ARMC2: variants seen among roughly 807,000 people sequenced by gnomAD.
ARMC2 encodes the protein armadillo repeat-containing protein 2.
A neutral mutation model predicts 90.3 loss-of-function variants in ARMC2; 67 were observed. The observed-to-expected ratio is 0.74, with a 90% CI of 0.61 to 0.91. The LOEUF is 0.91. ARMC2 is among the 40% of genes least tolerant of loss of function. The pLI is 0.00. For missense variants in ARMC2, 920 were observed against 1,030.9 expected, an observed-to-expected ratio of 0.89 and a Z score of 1.47; for synonymous variants, 393 against 393.0, an observed-to-expected ratio of 1.00 and a Z score of 0.00.
At chr6:108,943,660 A>T (rs1776609151) in intron 12 of ARMC2, among the ~76,000 whole-genome samples, 2 of 151,978 alleles carry the variant, frequency 1.3e-5, no homozygotes, top group Admixed American at 1.3e-4. Context: ...CTCTACAACA[A>T]CAATTAAAAA....
the ARMC2 span, among the ~76,000 whole-genome samples, chr6:109,051,348 T>C: frequency 5.1e-4 from 77 of 152,294 alleles, no homozygotes; most frequent in African/African-American, 1.9e-3. Context: ...ATGGTGCTAC[T>C]TCAGTGAAAA....
intron 10 of ARMC2, among the ~76,000 whole-genome samples, chr6:108,916,924 T>C (rs1774027583): frequency 6.6e-6 from 1 of 152,204 alleles, no homozygotes; most frequent in Admixed American, 6.5e-5. Context: ...CGGTGTCTCC[T>C]TTGTCCTCTG....
the ARMC2 span, among the ~76,000 whole-genome samples, chr6:109,046,777 C>T: frequency 7.2e-6 from 1 of 139,684 alleles, no homozygotes; most frequent in Non-Finnish European, 1.6e-5. Context: ...CGGCCGAGAC[C>T]CCGTCTGGGA....
chr6:108,885,248 G>A (rs1032272274), intron 5 of ARMC2, among the ~76,000 whole-genome samples: 2 of 151,912 alleles, frequency 1.3e-5, no homozygotes, highest in African/African-American at 4.8e-5. Flanking sequence ...GTGTGTGTGT[G>A]TGTATGTATT....
At chr6:108,914,535 C>A (rs1017981256) in intron 10 of ARMC2, among the ~76,000 whole-genome samples, 1 of 152,102 alleles carries the variant, frequency 6.6e-6, no homozygotes, top group Admixed American at 6.5e-5. Flanking sequence ...GCATGGGTGA[C>A]CCACACCCCT....
At chr6:109,049,673 AAAAT>A in the ARMC2 span, among the ~76,000 whole-genome samples, 8 of 151,106 alleles carry the variant, frequency 5.3e-5, no homozygotes, top group Non-Finnish European at 1.0e-4. Context: ...TAAAAAATAA[AAAAT>A]AAAAAGGAGA....
Position 108,904,356 on chromosome 6 carries a change from A to T in ARMC2, c.974A>T (p.Asp325Val), listed in dbSNP as rs749686178. The T allele has an allele frequency of 2.0e-5, 32 of 1,612,462 alleles. No homozygotes were observed. Among genetic ancestry groups the T allele is most frequent in the Non-Finnish European group, 2.5e-5 (30 of 1,179,568 alleles). ...CTGAAGACCCTGTGTAAACTAGTTGATGTTGGTTCAGACTCGCTCAGCCTT... is the reference window on the plus strand; with the variant it reads ...CTGAAGACCCTGTGTAAACTAGTTGTTGTTGGTTCAGACTCGCTCAGCCTT... Reference protein sequence around the residue: ...ILLKTLCKLVDVGSDSLSLKL... With the variant: ...ILLKTLCKLVVVGSDSLSLKL... Residue 325 changes from aspartate (D) to valine (V), a missense_variant, in exon 8 of 18, where the codon GAT (aspartate) becomes GTT (valine). Transcript: ENST00000392644.
the ARMC2 span, among the ~76,000 whole-genome samples, chr6:108,989,563 AGATC>A: frequency 2.2e-4 from 23 of 104,942 alleles, no homozygotes; most frequent in African/African-American, 3.1e-4. Context: ...CTAGATCTCT[AGATC>A]TAGAGATATC....
chr6:109,051,438 TA>T, the ARMC2 span, among the ~76,000 whole-genome samples: 4 of 152,202 alleles, frequency 2.6e-5, no homozygotes, highest in Non-Finnish European at 5.9e-5. Flanking sequence ...AGTAATACTA[TA>T]TGAATGGACT....
intron 14 of ARMC2, 49 bp downstream of exon 14, chr6:108,961,743 C>T (rs774704850): frequency 1.4e-5 from 22 of 1,528,172 alleles, no homozygotes; most frequent in South Asian, 3.8e-5. Flanking sequence ...TTTGAAGTTT[C>T]GATTTTATTA....
At chr6:108,960,548 C>G (rs1477122791) in intron 13 of ARMC2, among the ~76,000 whole-genome samples, 2 of 152,208 alleles carry the variant, frequency 1.3e-5, no homozygotes, top group Non-Finnish European at 2.9e-5. Context: ...AGACACATCC[C>G]TAGGCCTCAG....
At chr6:108,879,374 T>C (rs1777273357) in intron 5 of ARMC2, among the ~76,000 whole-genome samples, 1 of 150,458 alleles carries the variant, frequency 6.6e-6, no homozygotes, top group Non-Finnish European at 1.5e-5. Flanking sequence ...CATCCACCTA[T>C]CCACCCATCC....
the ARMC2 span, chr6:108,994,381 T>C: frequency 3.4e-6 from 4 of 1,167,428 alleles, no homozygotes; most frequent in Non-Finnish European, 3.7e-6. Flanking sequence ...TTTAGATTGA[T>C]GCTTTAAAAG....
At chr6:109,047,634 C>T in the ARMC2 span, among the ~76,000 whole-genome samples, 5 of 144,812 alleles carry the variant, frequency 3.5e-5, no homozygotes, top group African/African-American at 5.0e-5. Flanking sequence ...ATGACAATGG[C>T]GGCTTTGTGG....
chr6:109,014,461 T>G, the ARMC2 span, among the ~76,000 whole-genome samples: 1 of 152,200 alleles, frequency 6.6e-6, no homozygotes, highest in Non-Finnish European at 1.5e-5. Context: ...TCTGTCAGAA[T>G]CCAAAGCAGC....
the ARMC2 span, among the ~76,000 whole-genome samples, chr6:109,014,252 A>G: frequency 2.0e-4 from 31 of 152,330 alleles, no homozygotes; most frequent in Middle Eastern, 3.4e-3. Flanking sequence ...AATGTGTTAA[A>G]TAACGGTCAG....
At chr6:108,885,678 A>G (rs558975299) in intron 5 of ARMC2, among the ~76,000 whole-genome samples, 1 of 151,870 alleles carries the variant, frequency 6.6e-6, no homozygotes, top group East Asian at 1.9e-4. Context: ...TGTCGCAAAA[A>G]AAAAAAGAAA....
chr6:108,916,302 T>C (rs1773964104), intron 10 of ARMC2, among the ~76,000 whole-genome samples: 2 of 152,214 alleles, frequency 1.3e-5, no homozygotes, highest in South Asian at 4.1e-4. Context: ...TTTTTGGTGA[T>C]CCCTGTATCC....
At chr6:109,002,213 T>C in the ARMC2 span, 2 of 1,395,754 alleles carry the variant, frequency 1.4e-6, no homozygotes, top group Non-Finnish European at 2.0e-6. Flanking sequence ...GATGCCAACA[T>C]GTGGGTCATG....
Sources: allele counts gnomAD v4.1 joint callset (sites outside exome capture counted in the v4.1 genomes callset), GRCh38; gene constraint gnomAD v4.1.1; transcripts MANE v1.5; gene names NCBI Gene and HGNC (gene_info 2026-07-23, HGNC 2026-07-21).